The following NFASC variants were observed in gnomAD, a reference collection of about 807,000 sequenced individuals.
NFASC encodes neurofascin.
A neutral mutation model predicts 147.5 loss-of-function variants in NFASC; 43 were observed. The observed-to-expected ratio is 0.29, with a 90% CI of 0.23 to 0.38. The LOEUF (loss-of-function observed/expected upper bound fraction) is 0.38, where lower values mean the gene tolerates loss of function less well. Ranked by LOEUF, NFASC falls within the 10% of genes least tolerant of loss-of-function variation. The probability of loss-of-function intolerance (pLI) is 1.00; values close to 1 mark genes in which losing one functional copy is unlikely to be tolerated. For missense variants in NFASC, 1,320 were observed against 1,689.0 expected, an observed-to-expected ratio of 0.78 and a Z score of 3.83; for synonymous variants, 622 against 665.5, an observed-to-expected ratio of 0.93 and a Z score of 1.01.
At chr1:204,931,264 T>C (rs1205437679) in intron 2 of NFASC, among the ~76,000 whole-genome samples, 1 of 152,212 alleles carries the variant, frequency 6.6e-6, no homozygotes, top group Non-Finnish European at 1.5e-5. Context: ...GAGGGATAAA[T>C]CTGAGCTCTT....
At chr1:204,935,111 C>A (rs939578589) in intron 2 of NFASC, among the ~76,000 whole-genome samples, 1 of 152,066 alleles carries the variant, frequency 6.6e-6, no homozygotes, top group African/African-American at 2.4e-5. Context: ...CCTAATCCAG[C>A]CTTGGTGGGA....
Position 205,020,265 on chromosome 1 carries a change from A to G in NFASC, c.*3726A>G, listed in dbSNP as rs902791459. 4 of 152,298 alleles carry G rather than the reference A, an allele frequency of 2.6e-5. No individual in the cohort carries two copies. Among genetic ancestry groups the G allele is most frequent in the African/African-American group, 9.6e-5 (4 of 41,452 alleles). 9.4% of individuals were successfully genotyped at this position (152,298 alleles called of 1,614,324 possible). A position where few individuals can be genotyped will look rare whatever the true frequency, so the allele number is the denominator to read the frequency against. On this transcript the variant is annotated 3_prime_UTR_variant, in exon 30 of 30. Transcript: ENST00000339876. ...ACCACAGCCTTGGGAAGACGGTGGA[A>G]ACCCGAGGATGTGTGGGTTTCCCAG...
rs1275220911 is a variant in NFASC, at chr1:204,913,988, A to G, written c.-199-6644A>G. Among the ~76,000 whole-genome samples the G allele has an allele frequency of 2.0e-5, 3 of 152,176 alleles. No homozygotes were observed. The East Asian group carries it at 5.8e-4, about 29-fold the overall frequency. ...ATAGTCTTGAAAAAAGAAGGCCTAA[A>G]TATGACACAAAACATAGTGAAATAG... On this transcript the variant is annotated intron_variant, in intron 1 of 29. Transcript: ENST00000339876.
Position 204,981,779 on chromosome 1 carries a change from T to G in NFASC, c.2248-19T>G, listed in dbSNP as rs368656566. 8.7e-5 allele frequency: 130 copies of G among 1,494,940 alleles called. No individual in the cohort carries two copies. In the African/African-American group the frequency reaches 1.4e-3, roughly 17 times the overall value. 92.6% of individuals were successfully genotyped at this position (1,494,940 alleles called of 1,614,324 possible). ...CCCCTCTCTGGCAGCCTCTCCAGCCTGTCTGTCCCTCTGCCCAGCCCATGA... is the reference window on the plus strand; with the variant it reads ...CCCCTCTCTGGCAGCCTCTCCAGCCGGTCTGTCCCTCTGCCCAGCCCATGA... On this transcript the variant is annotated intron_variant, in intron 20 of 29. Transcript: ENST00000339876.
chr1:204,958,108 A>G (rs776805629), intron 8 of NFASC, among the ~76,000 whole-genome samples: 45 of 152,150 alleles, frequency 3.0e-4, no homozygotes, highest in African/African-American at 6.5e-4. Flanking sequence ...GAACCAGCCT[A>G]TCGTACCTCA....
Position 204,938,121 on chromosome 1 carries a change from G to A in NFASC, c.-90-6105G>A, listed in dbSNP as rs573794974. Among the ~76,000 whole-genome samples the A allele has an allele frequency of 3.3e-5, 5 of 152,296 alleles. 1 individual carries two copies. The South Asian group carries it at 8.3e-4, about 25-fold the overall frequency. On this transcript the variant is annotated intron_variant, in intron 2 of 29. Coordinates refer to ENST00000339876, the MANE Select transcript of NFASC (RefSeq NM_001005388.3). ...GGGAATGTGAGGAGCTCCCGATGGC[G>A]ACAGCTCGTGGGAGCCACGGGATCT...
chr1:204,959,924 C>T (rs1468285337), intron 8 of NFASC, among the ~76,000 whole-genome samples: 3 of 152,200 alleles, frequency 2.0e-5, no homozygotes, highest in Non-Finnish European at 4.4e-5. Context: ...CTCTTTCCTC[C>T]GAATGGCGAG....
At chr1:204,918,298 C>G (rs1235703609) in intron 1 of NFASC, among the ~76,000 whole-genome samples, 3 of 152,160 alleles carry the variant, frequency 2.0e-5, no homozygotes, top group African/African-American at 7.2e-5. Context: ...CACATGCAGT[C>G]CAGGATGGCT....
chr1:204,970,689 A>G lies in NFASC; in HGVS notation c.1077A>G (p.Arg359=). Residue 359 remains arginine, a synonymous_variant, in exon 11 of 30, where the codon CGA becomes CGG. Coordinates refer to ENST00000339876, the MANE Select transcript of NFASC (RefSeq NM_001005388.3). ...APGEDGRLVC[R]ANGNPKPTVQ... Reference sequence around the variant, plus strand: ...GCGAGGATGGGAGACTGGTGTGTCGAGCCAATGGAAACCCCAAACCCACTG... The same window carrying G: ...GCGAGGATGGGAGACTGGTGTGTCGGGCCAATGGAAACCCCAAACCCACTG... 5 of 1,614,212 alleles carry G rather than the reference A, an allele frequency of 3.1e-6. No individual in the cohort carries two copies. Among genetic ancestry groups the G allele is most frequent in the Non-Finnish European group, 3.4e-6 (4 of 1,180,034 alleles).
intron 2 of NFASC, among the ~76,000 whole-genome samples, chr1:204,939,760 A>T (rs1160544371): frequency 6.6e-6 from 1 of 152,272 alleles, no homozygotes; most frequent in East Asian, 1.9e-4. Flanking sequence ...TGATTGCTGT[A>T]GGCTAGCAAG....
chr1:204,950,208 A>G (rs1190107951), intron 3 of NFASC, among the ~76,000 whole-genome samples: 3 of 152,190 alleles, frequency 2.0e-5, no homozygotes, highest in African/African-American at 7.2e-5. Context: ...GATGGAGGGA[A>G]ATACCTTCAG....
chr1:204,995,315 A>AGT (rs60921990), intron 24 of NFASC, among the ~76,000 whole-genome samples: 15,467 of 140,722 alleles, frequency 0.11, 875 homozygotes, highest in Non-Finnish European at 0.14. Flanking sequence ...ATGTGTGCAC[A>AGT]GTGTGTGTGT....
chr1:204,946,831 A>G, intron 3 of NFASC: 1 of 497,200 alleles, frequency 2.0e-6, no homozygotes, highest in African/African-American at 2.0e-5. Context: ...CCCACGGGGC[A>G]TGCTACCCCA....
At chr1:204,978,736 A>T (rs1165394656) in intron 17 of NFASC, among the ~76,000 whole-genome samples, 1 of 150,728 alleles carries the variant, frequency 6.6e-6, no homozygotes, top group Admixed American at 6.6e-5. Flanking sequence ...CTTGTTCCAC[A>T]CCCATTGATA....
rs2094494056 is a variant in NFASC, at chr1:204,957,753, C to T, written c.633C>T (p.Tyr211=). Residue 211 remains tyrosine, a synonymous_variant, in exon 8 of 30, where the codon TAC becomes TAT. Coordinates refer to ENST00000339876, the MANE Select transcript of NFASC (RefSeq NM_001005388.3). ...TGCTGCAGGACATGCAGACCGACTACAGTTGTAACGCCCGCTTCCACTTCA... is the reference window on the plus strand; with the variant it reads ...TGCTGCAGGACATGCAGACCGACTATAGTTGTAACGCCCGCTTCCACTTCA... ...NVMLQDMQTD[Y]SCNARFHFTH... is the part of the protein sequence containing the mutation. 6.2e-7 allele frequency: 1 copy of T among 1,614,092 alleles called. No individual in the cohort carries two copies. Among genetic ancestry groups the T allele is most frequent in the Non-Finnish European group, 8.5e-7 (1 of 1,180,048 alleles).
chr1:204,948,673 T>C (rs769178493), intron 3 of NFASC: 3 of 519,086 alleles, frequency 5.8e-6, no homozygotes, highest in Non-Finnish European at 1.2e-5. Context: ...TGTATGATCT[T>C]GGCCGAGAGA....
chr1:204,926,402 ATATATTTTTTTTTTTTTTT>A (rs1189404639), intron 2 of NFASC, among the ~76,000 whole-genome samples: 117 of 10,766 alleles, frequency 0.011, no homozygotes, highest in Admixed American at 0.015. Flanking sequence ...ATATATATAT[ATATATTTTTTTTTTTTTTT>A]TTTTTTTTTT....
chr1:204,997,872 G>T (rs982343913), intron 25 of NFASC: 13 of 203,892 alleles, frequency 6.4e-5, no homozygotes, highest in African/African-American at 2.8e-4. Flanking sequence ...TCTGCGTCCG[G>T]CCTAGAGGCT....
chr1:204,891,960 T>G (rs1341292350), intron 1 of NFASC, among the ~76,000 whole-genome samples: 1 of 152,196 alleles, frequency 6.6e-6, no homozygotes, highest in African/African-American at 2.4e-5. Flanking sequence ...CTAGCCTCCA[T>G]GGAGCCCTGT....
Sources: gnomAD v4.1 joint callset for allele counts (sites outside exome capture counted in the v4.1 genomes callset) on GRCh38, gnomAD v4.1.1 for gene constraint, MANE v1.5 for transcripts, NCBI Gene and HGNC (gene_info 2026-07-23, HGNC 2026-07-21) for gene names.